SARM1: variants seen among roughly 807,000 people sequenced by gnomAD.
SARM1 encodes the protein sterile alpha and TIR motif containing 1.
Under a neutral mutation model 65.1 loss-of-function variants are expected in SARM1, and 60 were observed. That is an observed-to-expected ratio of 0.92 (90% CI 0.75 to 1.14). The LOEUF (loss-of-function observed/expected upper bound fraction) is 1.14, where lower values mean the gene tolerates loss of function less well. Among genes scored for constraint, SARM1 ranks in the 50% most tolerant of loss-of-function variants. The pLI, the probability that SARM1 is intolerant of heterozygous loss-of-function variation, is 0.00. For missense variants in SARM1, 913 were observed against 1,015.7 expected, an observed-to-expected ratio of 0.90 and a Z score of 1.37; for synonymous variants, 417 against 465.4, an observed-to-expected ratio of 0.90 and a Z score of 1.34.
Position 28,399,462 on chromosome 17 carries a change from A to T in SARM1, c.*3176A>T. 1.7e-6 allele frequency: 1 copy of T among 605,220 alleles called. No homozygotes were observed. The highest frequency in any genetic ancestry group is 2.9e-6 in the Non-Finnish European group (1 of 340,860). The allele number at this position is 605,220 out of a possible 1,614,324, so 37.5% of individuals were successfully genotyped here. A position where few individuals can be genotyped will look rare whatever the true frequency, so the allele number is the denominator to read the frequency against. On this transcript the variant is annotated 3_prime_UTR_variant, in exon 9 of 9. Transcript: ENST00000585482. ...GTGGGCCTGTGTGGGTTATGATTCT[A>T]GATCCTAGACAGAGGCTGGGTCAGC...
intron 7 of SARM1, among the ~76,000 whole-genome samples, chr17:28,391,880 G>GTTT (rs35495893): frequency 1.9e-4 from 25 of 128,242 alleles, no homozygotes; most frequent in Non-Finnish European, 2.7e-4. Context: ...ACTTGACTCC[G>GTTT]TTTTTTTTTT....
At chr17:28,377,791 G>C (rs1311856734) in intron 1 of SARM1, among the ~76,000 whole-genome samples, 6 of 152,104 alleles carry the variant, frequency 3.9e-5, no homozygotes, top group Non-Finnish European at 1.5e-5. Context: ...TCTGCCTCCT[G>C]GGTTCAAGTG....
Position 28,381,575 on chromosome 17 carries a change from G to T in SARM1, c.843G>T (p.Lys281Asn). ...CAGTAGCGGTGTTGGCGACTAACAA[G>T]GAGGTGGAGCGCGAGGTGGAGCGCT... is the stretch of plus-strand genomic sequence containing the variant. Reference protein sequence around the residue: ...CLAVAVLATNKEVEREVERSG... With the variant: ...CLAVAVLATNNEVEREVERSG... The change falls in exon 2 of 9, where the codon AAG (lysine) becomes AAT (asparagine). Residue 281 changes from lysine to asparagine, a missense_variant. Coordinates refer to ENST00000585482, the MANE Select transcript of SARM1 (RefSeq NM_015077.4). 6.3e-7 allele frequency: 1 copy of T among 1,592,668 alleles called. No homozygotes were observed. Among genetic ancestry groups the T allele is most frequent in the Admixed American group, 1.7e-5 (1 of 57,238 alleles).
chr17:28,373,618 A>G (rs1431769101), intron 1 of SARM1: 1 of 152,218 alleles, frequency 6.6e-6, no homozygotes, highest in Non-Finnish European at 1.5e-5. Context: ...ATCCGTTGCC[A>G]TGATGGGGAT....
rs1408893846 is a variant in SARM1 at position 28,384,378 on chromosome 17, A to T, written c.1111A>T (p.Ile371Phe). Residue 371 changes from isoleucine (I) to phenylalanine (F), a missense_variant, in exon 3 of 9, where the codon ATC becomes TTC. By Grantham distance (21) the Ile-to-Phe change is conservative. This residue lies in a region of SARM1 where 862 missense variants were observed against 952.1 expected (regional missense o/e 0.91). Transcript: ENST00000585482. The surrounding 1 kb of genome is among the most constrained non-coding windows in gnomAD (Gnocchi z 4.4). ...KTKVFSDIGAIQSLKRLVSYS... is the reference protein window; with the variant it reads ...KTKVFSDIGAFQSLKRLVSYS... ...CTAGGTGTTCAGCGACATCGGCGCCATCCAGAGCCTGAAACGCCTGGTTTC... is the reference window on the plus strand; with the variant it reads ...CTAGGTGTTCAGCGACATCGGCGCCTTCCAGAGCCTGAAACGCCTGGTTTC... 1.9e-6 allele frequency: 3 copies of T among 1,602,824 alleles called. No individual in the cohort carries two copies. The highest frequency in any genetic ancestry group is 2.7e-5 in the African/African-American group (2 of 74,612).
chr17:28,400,478 G>A lies in SARM1; in HGVS notation c.*4192G>A. ...TTAGGCAGCCATCTGCAAGGAGAGG[G>A]GCAACCTGGGACAAGACACCCAGAG... On this transcript the variant is annotated 3_prime_UTR_variant, in exon 9 of 9. Coordinates refer to ENST00000585482, the MANE Select transcript of SARM1 (RefSeq NM_015077.4). 7.9e-7 allele frequency: 1 copy of A among 1,272,354 alleles called. No individual in the cohort carries two copies. The highest frequency in any genetic ancestry group is 1.1e-6 in the Non-Finnish European group (1 of 932,898). The allele number at this position is 1,272,354 out of a possible 1,614,324, so 78.8% of individuals were successfully genotyped here. A position where few individuals can be genotyped will look rare whatever the true frequency, so the allele number is the denominator to read the frequency against.
At chr17:28,394,908 G>A (rs1269389092) in intron 7 of SARM1, 3 of 152,110 alleles carry the variant, frequency 2.0e-5, no homozygotes, top group Non-Finnish European at 4.4e-5. Flanking sequence ...GTTATAGATT[G>A]CTACATTCCA....
intron 5 of SARM1, chr17:28,387,950 T>C (rs2068060464): frequency 1.7e-6 from 1 of 574,260 alleles, no homozygotes; most frequent in African/African-American, 1.9e-5. Context: ...AGTGCATGCA[T>C]ATCAATGTCC....
chr17:28,395,143 C>G (rs1045268061), intron 7 of SARM1: 2 of 152,112 alleles, frequency 1.3e-5, no homozygotes, highest in Non-Finnish European at 2.9e-5. Flanking sequence ...TTTAACAAAG[C>G]TTGAATAATA....
chr17:28,379,126 T>C (rs1555584892), intron 1 of SARM1, among the ~76,000 whole-genome samples: 1 of 152,090 alleles, frequency 6.6e-6, no homozygotes, highest in Non-Finnish European at 1.5e-5. Context: ...ATCTAACAGG[T>C]GTAAAGTGGT....
In SARM1 at chr17:28,396,155, A is replaced by G. The variant is rs1555587891; in HGVS notation, c.2046-2A>G. The G allele has an allele frequency of 7.4e-6, 12 of 1,613,948 alleles. No homozygotes were observed. The highest frequency in any genetic ancestry group is 8.5e-6 in the Non-Finnish European group (10 of 1,179,868). On this transcript the variant is annotated splice_acceptor_variant, in intron 8 of 8. Transcript: ENST00000585482. LOFTEE classifies it high-confidence loss of function. ...GAACCACATTGGCTCCTGTGCCCAC[A>G]GGTGGTCCCACGAATACCAGGAGGC...
chr17:28,374,116 A>AT (rs2067974560), intron 1 of SARM1: 1 of 151,258 alleles, frequency 6.6e-6, no homozygotes, highest in African/African-American at 2.4e-5. Flanking sequence ...AAAAAAAAAA[A>AT]AAATACAAAA....
At chr17:28,392,176 T>C (rs2068084152) in intron 7 of SARM1, among the ~76,000 whole-genome samples, 1 of 151,768 alleles carries the variant, frequency 6.6e-6, no homozygotes. Flanking sequence ...GGTGAGATCT[T>C]GGTCGGCTCA....
intron 7 of SARM1, 23 bp from the exon 8 acceptor site, chr17:28,395,882 C>T: frequency 6.2e-7 from 1 of 1,612,730 alleles, no homozygotes. Flanking sequence ...GGGGTATCTT[C>T]CTCCTTTCCT....
intron 7 of SARM1, among the ~76,000 whole-genome samples, chr17:28,391,372 G>A (rs751535574): frequency 6.6e-6 from 1 of 152,204 alleles, no homozygotes; most frequent in Non-Finnish European, 1.5e-5. Context: ...TAAAGCACTG[G>A]AAATCAAGGA....
intron 7 of SARM1, among the ~76,000 whole-genome samples, chr17:28,392,352 G>A (rs1232595706): frequency 2.0e-5 from 3 of 151,966 alleles, no homozygotes; most frequent in South Asian, 2.1e-4. Flanking sequence ...TCCTGACCTC[G>A]TGATCCGCCC....
At chr17:28,387,236 CT>C (rs548164976) in intron 5 of SARM1, among the ~76,000 whole-genome samples, 422 of 139,088 alleles carry the variant, frequency 3.0e-3, no homozygotes, top group African/African-American at 5.2e-3. Flanking sequence ...CTTTTCTTTT[CT>C]TTTTTTTTTT....
intron 1 of SARM1, among the ~76,000 whole-genome samples, chr17:28,377,195 A>G (rs2067996744): frequency 1.3e-5 from 2 of 152,210 alleles, no homozygotes; most frequent in Admixed American, 1.3e-4. Context: ...AACTCTGGAG[A>G]CAGGCAGATC....
rs182078643 is a variant in SARM1 at position 28,385,268 on chromosome 17, G to A, written c.1623G>A (p.Ala541=). 1,225 of 1,550,172 alleles carry A rather than the reference G, an allele frequency of 7.9e-4. 9 individuals carry two copies. The African/African-American group carries it at 0.014, about 18-fold the overall frequency. The change falls in exon 5 of 9, where the codon GCG becomes GCA. Residue 541 remains alanine (A), a synonymous_variant. Coordinates refer to ENST00000585482, the MANE Select transcript of SARM1 (RefSeq NM_015077.4). The surrounding 1 kb of genome is among the most constrained non-coding windows in gnomAD (Gnocchi z 4.5). ...LGVHRARILT[A]AREMLHSPLP... is the part of the protein sequence containing the mutation. ...TGCACCGCGCCCGCATCCTCACGGC[G>A]GCCAGAGGTCAGCCCGCTCACCCGG... is the stretch of plus-strand genomic sequence containing the variant.
Sources: allele counts gnomAD v4.1 joint callset (sites outside exome capture counted in the v4.1 genomes callset), GRCh38; gene constraint gnomAD v4.1.1; regional missense constraint gnomAD v4.1.1; non-coding constraint Gnocchi (gnomAD v3.1); transcripts MANE v1.5; gene names NCBI Gene and HGNC (gene_info 2026-07-23, HGNC 2026-07-21).